Variants in RTN4IP1 observed in about 807,000 individuals in gnomAD.
The protein encoded by RTN4IP1 is NAD(P)H oxidoreductase RTN4IP1, mitochondrial.
RTN4IP1 carries 32 observed loss-of-function variants against 46.6 expected under a neutral mutation model. The ratio of observed to expected loss-of-function variants is 0.69; its 90% CI spans 0.52 to 0.92. RTN4IP1 has a LOEUF of 0.92. Among genes scored for constraint, RTN4IP1 ranks in the 40% least tolerant of loss-of-function variants. RTN4IP1 has a pLI of 0.00. For synonymous variants in RTN4IP1, 167 were observed against 161.8 expected, an observed-to-expected ratio of 1.03 and a Z score of -0.24; for missense variants, 424 against 485.8, an observed-to-expected ratio of 0.87 and a Z score of 1.20.
chr6:106,585,731 A>G (rs1775467959), intron 7 of RTN4IP1, among the ~76,000 whole-genome samples: 1 of 152,212 alleles, frequency 6.6e-6, no homozygotes, highest in Non-Finnish European at 1.5e-5. Context: ...AAAGACATTG[A>G]AAACTACTTA....
chr6:106,580,566 A>G (rs1352774294), intron 8 of RTN4IP1, among the ~76,000 whole-genome samples: 1 of 151,956 alleles, frequency 6.6e-6, no homozygotes, highest in Non-Finnish European at 1.5e-5. Flanking sequence ...TAAAAATACA[A>G]AAATTAGCCA....
At chr6:106,573,582 T>C (rs1775139660) in intron 8 of RTN4IP1, among the ~76,000 whole-genome samples, 1 of 152,248 alleles carries the variant, frequency 6.6e-6, no homozygotes, top group Non-Finnish European at 1.5e-5. Flanking sequence ...AGATTTCATC[T>C]CATTTAATCC....
chr6:106,574,219 C>T (rs914813542), intron 8 of RTN4IP1, among the ~76,000 whole-genome samples: 3 of 137,516 alleles, frequency 2.2e-5, no homozygotes, highest in African/African-American at 8.0e-5. Context: ...CCGAGGCAGG[C>T]GAATCACCTG....
At position 106,571,925 on chromosome 6, in the gene RTN4IP1, C is replaced by A; in HGVS notation, c.*71G>T. 1.0e-6 allele frequency: 1 copy of A among 992,374 alleles called. No individual in the cohort carries two copies. Among genetic ancestry groups the A allele is most frequent in the South Asian group, 1.4e-5 (1 of 73,716 alleles). The allele number at this position is 992,374 out of a possible 1,614,324, so 61.5% of individuals were successfully genotyped here. A position where few individuals can be genotyped will look rare whatever the true frequency, so the allele number is the denominator to read the frequency against. On this transcript the variant is annotated 3_prime_UTR_variant, in exon 9 of 9. Coordinates refer to ENST00000369063, the MANE Select transcript of RTN4IP1 (RefSeq NM_032730.5). ...CTGGAAAAATGTTTGAAAGGGATGG[C>A]TAGAAAAAAATTTGGGCTCACAGGC...
At position 106,624,459 on chromosome 6, in the gene RTN4IP1, C is replaced by T. The variant is rs9486428; in HGVS notation, c.275-1490G>A. Among the ~76,000 whole-genome samples the T allele has an allele frequency of 1.9e-3, 285 of 152,032 alleles. 1 individual carries two copies. Among genetic ancestry groups the T allele is most frequent in the African/African-American group, 6.7e-3 (277 of 41,490 alleles). ...CCACTTCCTGGGTTCAAGCCATTCT[C>T]ATGCCTCAACCTCTGGAGTAGTTGG... On this transcript the variant is annotated intron_variant, in intron 1 of 8. Transcript: ENST00000369063.
At chr6:106,596,794 C>T (rs1284352773) in intron 5 of RTN4IP1, among the ~76,000 whole-genome samples, 1 of 152,016 alleles carries the variant, frequency 6.6e-6, no homozygotes, top group Non-Finnish European at 1.5e-5. Context: ...AACAATATTC[C>T]CCACGTTCTT....
At chr6:106,600,027 G>A (rs1562142940) in intron 5 of RTN4IP1, among the ~76,000 whole-genome samples, 2 of 151,794 alleles carry the variant, frequency 1.3e-5, no homozygotes, top group South Asian at 2.1e-4. Context: ...TGAGCCTCTG[G>A]ATTGGATTCT....
chr6:106,579,593 T>C (rs976039544), intron 8 of RTN4IP1, among the ~76,000 whole-genome samples: 2 of 152,052 alleles, frequency 1.3e-5, no homozygotes, highest in Admixed American at 6.6e-5. Context: ...TACTGAGTGC[T>C]GCACTGGGAG....
At chr6:106,610,396 G>A (rs1776196333) in intron 4 of RTN4IP1, among the ~76,000 whole-genome samples, 1 of 152,132 alleles carries the variant, frequency 6.6e-6, no homozygotes, top group South Asian at 2.1e-4. Flanking sequence ...CAATAAGCCG[G>A]TCGGTCTTCT....
chr6:106,592,987 A>G (rs921351564), intron 5 of RTN4IP1, among the ~76,000 whole-genome samples: 3 of 152,184 alleles, frequency 2.0e-5, no homozygotes, highest in Admixed American at 6.5e-5. Context: ...AAATGGCCCA[A>G]AAATAGTATG....
intron 8 of RTN4IP1, among the ~76,000 whole-genome samples, chr6:106,580,318 G>C (rs1368598712): frequency 6.6e-6 from 1 of 151,832 alleles, no homozygotes; most frequent in Non-Finnish European, 1.5e-5. Context: ...TGGTTCAGAG[G>C]GTAAGATAAT....
chr6:106,590,073 T>C (rs1399980575), intron 6 of RTN4IP1, among the ~76,000 whole-genome samples: 1 of 152,068 alleles, frequency 6.6e-6, no homozygotes, highest in South Asian at 2.1e-4. Flanking sequence ...ATCCCAGCAC[T>C]TTGGGAGACC....
chr6:106,619,463 G>C, intron 3 of RTN4IP1, 137 bp from the exon 4 acceptor site: 1 of 973,472 alleles, frequency 1.0e-6, no homozygotes, highest in Non-Finnish European at 1.5e-6. Flanking sequence ...ACTTATACGT[G>C]GATTTCCTGC....
intron 6 of RTN4IP1, among the ~76,000 whole-genome samples, chr6:106,590,713 T>TCAAA (rs1485344618): frequency 4.0e-4 from 1 of 2,472 alleles, no homozygotes; most frequent in Non-Finnish European, 3.1e-3. Flanking sequence ...AGAATCCATC[T>TCAAA]CAAAAAAAAA....
At chr6:106,629,832 G>A, upstream of RTN4IP1, 2 of 1,157,832 alleles carry the variant, frequency 1.7e-6, no homozygotes, top group Non-Finnish European at 1.2e-6. Context: ...AACTGAGTGG[G>A]GGATAAGTAC....
chr6:106,608,530 A>G (rs1329651674), intron 4 of RTN4IP1, among the ~76,000 whole-genome samples: 1 of 152,224 alleles, frequency 6.6e-6, no homozygotes, highest in Non-Finnish European at 1.5e-5. Flanking sequence ...TTTGACTTGA[A>G]GGATATGCTG....
At position 106,621,422 on chromosome 6, in the gene RTN4IP1, T is replaced by C. The variant is rs1776483575; in HGVS notation, c.495+3A>G. The C allele has an allele frequency of 9.3e-6, 15 of 1,609,240 alleles. No individual in the cohort carries two copies. The highest frequency in any genetic ancestry group is 1.7e-5 in the Admixed American group (1 of 59,998). On this transcript the variant is annotated splice_donor_region_variant and intron_variant, in intron 3 of 8. Coordinates refer to ENST00000369063, the MANE Select transcript of RTN4IP1 (RefSeq NM_032730.5). Reference sequence around the variant, plus strand: ...ATGCATTTCAGCAGAGTTGGTAAGTTACCTCATTCCCACTGACTACAACAA... The same window carrying C: ...ATGCATTTCAGCAGAGTTGGTAAGTCACCTCATTCCCACTGACTACAACAA...
At chr6:106,618,618 A>C (rs9373884) in intron 4 of RTN4IP1, among the ~76,000 whole-genome samples, 42,046 of 152,076 alleles carry the variant, frequency 0.28, 6,250 homozygotes, top group East Asian at 0.45. Context: ...ACTCAAGTAC[A>C]TCTGAGACAT....
At chr6:106,619,103 A>G in intron 4 of RTN4IP1, 99 bp downstream of exon 4, 1 of 1,334,004 alleles carries the variant, frequency 7.5e-7, no homozygotes, top group South Asian at 1.3e-5. Flanking sequence ...CTGTTCGTGT[A>G]AATGATACTA....
Sources: allele counts gnomAD v4.1 joint callset (sites outside exome capture counted in the v4.1 genomes callset), GRCh38; gene constraint gnomAD v4.1.1; transcripts MANE v1.5; gene names NCBI Gene and HGNC (gene_info 2026-07-23, HGNC 2026-07-21).